NFIB: variants seen among roughly 807,000 people sequenced by gnomAD.
The protein encoded by NFIB is nuclear factor I B.
Under a neutral mutation model 61.5 loss-of-function variants are expected in NFIB, and 11 were observed. The ratio of observed to expected loss-of-function variants is 0.18; its 90% CI spans 0.11 to 0.30. The LOEUF is 0.30. Ranked by LOEUF, NFIB falls within the 10% of genes least tolerant of loss-of-function variation. The pLI, the probability that NFIB is intolerant of heterozygous loss-of-function variation, is 1.00. For missense variants in NFIB, 471 were observed against 608.9 expected, an observed-to-expected ratio of 0.77 and a Z score of 2.38; for synonymous variants, 260 against 216.5, an observed-to-expected ratio of 1.20 and a Z score of -1.76.
At chr9:14,470,080 C>T in the NFIB span, among the ~76,000 whole-genome samples, 1 of 152,212 alleles carries the variant, frequency 6.6e-6, no homozygotes, top group East Asian at 1.9e-4. Context: ...TAATTAACCT[C>T]TCTGTGCCTC....
At chr9:14,124,687 C>T (rs1377667207) in intron 7 of NFIB, among the ~76,000 whole-genome samples, 2 of 152,102 alleles carry the variant, frequency 1.3e-5, no homozygotes, top group Non-Finnish European at 2.9e-5. Context: ...GTAAAAAGTA[C>T]ACAGTGTTAA....
chr9:14,250,980 T>C (rs1376853271), intron 2 of NFIB, among the ~76,000 whole-genome samples: 1 of 152,244 alleles, frequency 6.6e-6, no homozygotes, highest in Non-Finnish European at 1.5e-5. Context: ...TACTAAATGC[T>C]TGTAGTTTTT....
At chr9:14,097,875 CTT>C (rs71321962) in intron 10 of NFIB, among the ~76,000 whole-genome samples, 30 of 110,812 alleles carry the variant, frequency 2.7e-4, no homozygotes, top group Admixed American at 5.2e-4. Flanking sequence ...TTTCTTTTTT[CTT>C]TTTTTTTTTT....
chr9:14,325,427 T>C (rs2060741656), intron 1 of NFIB, among the ~76,000 whole-genome samples: 1 of 152,142 alleles, frequency 6.6e-6, no homozygotes, highest in African/African-American at 2.4e-5. Context: ...GTCTTCAAAT[T>C]AAGAATTTTA....
At chr9:14,300,912 C>T (rs542520740) in intron 2 of NFIB, among the ~76,000 whole-genome samples, 24 of 152,278 alleles carry the variant, frequency 1.6e-4, no homozygotes, top group African/African-American at 4.8e-4. Context: ...TATTGGGTAT[C>T]TTGGATTGCT....
chr9:14,336,927 C>T (rs1036078024), intron 1 of NFIB, among the ~76,000 whole-genome samples: 10 of 152,102 alleles, frequency 6.6e-5, no homozygotes, highest in Admixed American at 5.9e-4. Flanking sequence ...AAAGGGGCCA[C>T]GGACAATATA....
chr9:14,328,371 C>G (rs927585810), intron 1 of NFIB, among the ~76,000 whole-genome samples: 3 of 152,140 alleles, frequency 2.0e-5, no homozygotes, highest in African/African-American at 7.2e-5. Context: ...GTCTCAAACT[C>G]CTGGGCTCAA....
chr9:14,410,136 A>G, the NFIB span, among the ~76,000 whole-genome samples: 4 of 151,776 alleles, frequency 2.6e-5, no homozygotes, highest in Non-Finnish European at 5.9e-5. Context: ...ATCAAAATAC[A>G]GTAAGTGACA....
rs149904785 is a variant in NFIB at position 14,388,467 on chromosome 9, AAGAG to A, written c.108+10053_108+10056del. On this transcript the variant is annotated intron_variant, in intron 1 of 8. Coordinates refer to the NFIB transcript ENST00000380934. ...GAGGGAGAAAAAAGAGAGAAAGAAAAAGAGAGAGAGAGAGAGAAAGAGAGAGAGA... is the reference window on the plus strand; with the variant it reads ...GAGGGAGAAAAAAGAGAGAAAGAAAAAGAGAGAGAGAGAAAGAGAGAGAGA... 4.9e-4 allele frequency among the ~76,000 whole-genome samples: 70 copies of A among 143,490 alleles called. 1 individual carries two copies. The highest frequency in any genetic ancestry group is 2.6e-3 in the South Asian group (11 of 4,266). The allele number at this position is 143,490 out of a possible 152,430, so 94.1% of individuals were successfully genotyped here.
intron 2 of NFIB, among the ~76,000 whole-genome samples, chr9:14,231,131 A>ATATATATATATAT (rs1252546393): frequency 5.3e-5 from 4 of 75,446 alleles, no homozygotes; most frequent in African/African-American, 1.1e-4. Flanking sequence ...AAAAAAAAAA[A>ATATATATATATAT]AAAAATATAT....
the NFIB span, among the ~76,000 whole-genome samples, chr9:14,471,872 C>G: frequency 6.6e-6 from 1 of 152,210 alleles, no homozygotes; most frequent in Non-Finnish European, 1.5e-5. Context: ...CCTGAAGAGG[C>G]CTCTGAAGTG....
chr9:14,454,749 A>G, the NFIB span, among the ~76,000 whole-genome samples: 3 of 152,238 alleles, frequency 2.0e-5, no homozygotes, highest in Admixed American at 6.5e-5. Flanking sequence ...CCTCTCTACC[A>G]GAATGTTATA....
intron 2 of NFIB, among the ~76,000 whole-genome samples, chr9:14,251,421 T>A (rs2055602537): frequency 6.6e-6 from 1 of 152,238 alleles, no homozygotes. Context: ...AGCAGTCAAC[T>A]GATTACTAGT....
chr9:14,276,397 A>T (rs1183517149), intron 2 of NFIB, among the ~76,000 whole-genome samples: 1 of 152,210 alleles, frequency 6.6e-6, no homozygotes, highest in Non-Finnish European at 1.5e-5. Flanking sequence ...TAACTTAAAC[A>T]GCTAACTGGA....
At chr9:14,440,579 C>G in the NFIB span, among the ~76,000 whole-genome samples, 1 of 152,188 alleles carries the variant, frequency 6.6e-6, no homozygotes, top group East Asian at 1.9e-4. Context: ...TAAACAAGCA[C>G]ATCACTGATC....
the NFIB span, among the ~76,000 whole-genome samples, chr9:14,466,451 C>T: frequency 2.0e-3 from 310 of 152,228 alleles, 2 homozygotes; most frequent in African/African-American, 6.9e-3. Flanking sequence ...ATCGCACCAT[C>T]CTCTGGGCTC....
At chr9:14,378,250 A>G (rs1486942639) in intron 1 of NFIB, among the ~76,000 whole-genome samples, 1 of 152,222 alleles carries the variant, frequency 6.6e-6, no homozygotes, top group Non-Finnish European at 1.5e-5. Flanking sequence ...TCTGGTTCAT[A>G]TTTAGGCTCA....
At chr9:14,486,232 A>G in the NFIB span, among the ~76,000 whole-genome samples, 1 of 152,222 alleles carries the variant, frequency 6.6e-6, no homozygotes, top group South Asian at 2.1e-4. Flanking sequence ...ATAGCTCCTT[A>G]TGAAAACCAA....
At position 14,083,561 on chromosome 9, in the gene NFIB, A is replaced by C. The variant is rs2032376287; in HGVS notation, c.*4748T>G. ...AAGCATGCAGCTGGTTAATGTTAAC[A>C]AAAGACCTTGACAGGAACATGTAAA... On this transcript the variant is annotated 3_prime_UTR_variant, in exon 11 of 11. Coordinates refer to ENST00000380953, the MANE Select transcript of NFIB (RefSeq NM_001190737.2). The C allele has an allele frequency of 4.4e-6, 1 of 228,800 alleles. No individual in the cohort carries two copies. Among genetic ancestry groups the C allele is most frequent in the Non-Finnish European group, 8.7e-6 (1 of 115,048 alleles). The allele number at this position is 228,800 out of a possible 1,614,324, so 14.2% of individuals were successfully genotyped here.
Sources: gnomAD v4.1 joint callset for allele counts (sites outside exome capture counted in the v4.1 genomes callset) on GRCh38, gnomAD v4.1.1 for gene constraint, MANE v1.5 for transcripts, NCBI Gene and HGNC (gene_info 2026-07-23, HGNC 2026-07-21) for gene names.